The following CSMD1 variants were observed in gnomAD, a reference collection of about 807,000 sequenced individuals.
The protein encoded by CSMD1 is CUB and sushi domain-containing protein 1.
CSMD1 carries 213 observed loss-of-function variants against 417.5 expected under a neutral mutation model. The observed-to-expected ratio is 0.51, with a 90% CI of 0.46 to 0.57. The LOEUF is 0.57. Ranked by LOEUF, CSMD1 falls within the 20% of genes least tolerant of loss-of-function variation. The pLI is 0.00. For missense variants in CSMD1, 6,923 were observed against 4,529.7 expected (o/e 1.53, Z -15.17); for synonymous variants, 2,862 against 1,736.8 (o/e 1.65, Z -16.11).
At chr8:4,209,878 T>C (rs758327856) in intron 3 of CSMD1, among the ~76,000 whole-genome samples, 8 of 152,154 alleles carry the variant, frequency 5.3e-5, no homozygotes, top group Non-Finnish European at 1.2e-4. Flanking sequence ...AGAATGTAGG[T>C]GGTAACTTCT....
At chr8:4,372,793 A>G (rs542192269) in intron 3 of CSMD1, among the ~76,000 whole-genome samples, 75 of 152,266 alleles carry the variant, frequency 4.9e-4, no homozygotes, top group African/African-American at 1.7e-3. Context: ...CAATAAATAT[A>G]CTTGAGTGCA....
chr8:4,366,800 T>A (rs918571247), intron 3 of CSMD1, among the ~76,000 whole-genome samples: 9 of 152,316 alleles, frequency 5.9e-5, no homozygotes, highest in African/African-American at 2.2e-4. Context: ...GCTGCTGTGC[T>A]GCACCCATTA....
intron 1 of CSMD1, among the ~76,000 whole-genome samples, chr8:4,795,963 A>G (rs1797960120): frequency 6.6e-6 from 1 of 152,164 alleles, no homozygotes. Flanking sequence ...ATATTATGTT[A>G]TTTCTTTTAA....
intron 5 of CSMD1, among the ~76,000 whole-genome samples, chr8:3,792,260 G>A (rs1032942137): frequency 6.6e-6 from 1 of 151,432 alleles, no homozygotes; most frequent in Admixed American, 6.6e-5. Context: ...GCCACTACAT[G>A]CCAGCCTGGG....
At chr8:4,049,888 G>C (rs774565545) in intron 3 of CSMD1, among the ~76,000 whole-genome samples, 3 of 140,154 alleles carry the variant, frequency 2.1e-5, no homozygotes, top group Non-Finnish European at 3.0e-5. Flanking sequence ...TAGCTTTTAA[G>C]TAACGTTCGC....
intron 3 of CSMD1, among the ~76,000 whole-genome samples, chr8:4,061,566 C>G (rs1048882350): frequency 6.6e-6 from 1 of 152,136 alleles, no homozygotes; most frequent in Non-Finnish European, 1.5e-5. Flanking sequence ...AACCCTCATG[C>G]TCTTGACTAT....
intron 4 of CSMD1, among the ~76,000 whole-genome samples, chr8:4,027,178 G>A (rs1324273355): frequency 5.3e-5 from 8 of 152,132 alleles, no homozygotes; most frequent in African/African-American, 1.7e-4. Context: ...TTACGACGAG[G>A]TAAGAAGCAT....
chr8:4,340,691 G>T (rs1011657601), intron 3 of CSMD1, among the ~76,000 whole-genome samples: 1 of 151,996 alleles, frequency 6.6e-6, no homozygotes, highest in Non-Finnish European at 1.5e-5. Flanking sequence ...GAGTTTATTA[G>T]AAGTACATTT....
chr8:3,336,185 C>T (rs536470652), intron 23 of CSMD1, among the ~76,000 whole-genome samples: 1 of 152,208 alleles, frequency 6.6e-6, no homozygotes, highest in African/African-American at 2.4e-5. Context: ...GTGGGGTTTT[C>T]ATCAGTATTA....
chr8:4,791,107 G>C (rs1189916180), intron 1 of CSMD1, among the ~76,000 whole-genome samples: 1 of 152,086 alleles, frequency 6.6e-6, no homozygotes, highest in African/African-American at 2.4e-5. Context: ...AGAAGAGACG[G>C]GGAGAAGAGA....
At chr8:4,034,763 T>A (rs375810821) in intron 3 of CSMD1, among the ~76,000 whole-genome samples, 1 of 152,328 alleles carries the variant, frequency 6.6e-6, no homozygotes, top group African/African-American at 2.4e-5. Flanking sequence ...CAACATGTCT[T>A]CTTAGGGTCA....
intron 1 of CSMD1, among the ~76,000 whole-genome samples, chr8:4,840,965 T>C (rs1013210830): frequency 2.0e-5 from 3 of 152,222 alleles, no homozygotes; most frequent in African/African-American, 7.2e-5. Flanking sequence ...ACAAGTGCAC[T>C]GGGCTAGTCC....
intron 9 of CSMD1, among the ~76,000 whole-genome samples, chr8:3,576,357 T>C (rs1800151422): frequency 7.9e-6 from 1 of 126,450 alleles, no homozygotes; most frequent in East Asian, 2.4e-4. Flanking sequence ...ACTGTGACTG[T>C]TCATCTGAGA....
At position 4,923,786 on chromosome 8, in the gene CSMD1, T is replaced by C. The variant is rs191904059; in HGVS notation, c.85+70546A>G. Among the ~76,000 whole-genome samples, 156 of 152,234 alleles carry C rather than the reference T, an allele frequency of 1.0e-3. 1 individual carries two copies. Among genetic ancestry groups the C allele is most frequent in the African/African-American group, 3.6e-3 (148 of 41,540 alleles). On this transcript the variant is annotated intron_variant, in intron 1 of 69. Coordinates refer to ENST00000635120, the MANE Select transcript of CSMD1 (RefSeq NM_033225.6). ...TATTATATATCTCCAAGATTCAGTG[T>C]CCCAATGGTAGAAATATAATAATTC... is the stretch of plus-strand genomic sequence containing the variant.
intron 6 of CSMD1, among the ~76,000 whole-genome samples, chr8:3,751,556 G>A (rs187953728): frequency 3.3e-5 from 5 of 149,752 alleles, no homozygotes; most frequent in East Asian, 1.9e-4. Flanking sequence ...TGTGTATAAC[G>A]TACGTACAGT....
At chr8:3,002,526 C>T (rs1168689531) in intron 52 of CSMD1, among the ~76,000 whole-genome samples, 1 of 152,172 alleles carries the variant, frequency 6.6e-6, no homozygotes, top group Non-Finnish European at 1.5e-5. Context: ...TGGAACCACT[C>T]CAAGAGGAGG....
rs141726364 is a variant in CSMD1, at chr8:3,267,990, C to T, written c.4153+16154G>A. The stretch of plus-strand genomic sequence containing the variant: ...GATTCCATGAAGACAGGGTCATTGC[C>T]CTGTGTGGGCTCAGTTGCCTCTGTC... On this transcript the variant is annotated intron_variant, in intron 26 of 69. Transcript: ENST00000635120. Among the ~76,000 whole-genome samples the T allele has an allele frequency of 4.2e-3, 635 of 152,208 alleles. 3 individuals carry two copies. The highest frequency in any genetic ancestry group is 7.1e-3 in the Non-Finnish European group (486 of 68,018).
intron 6 of CSMD1, among the ~76,000 whole-genome samples, chr8:3,734,646 G>C (rs185438471): frequency 6.6e-6 from 1 of 152,182 alleles, no homozygotes; most frequent in Admixed American, 6.5e-5. Context: ...GGGAGGCGGA[G>C]GTCGCAGTGA....
intron 20 of CSMD1, among the ~76,000 whole-genome samples, chr8:3,363,492 T>C (rs1809333877): frequency 6.6e-6 from 1 of 151,912 alleles, no homozygotes. Flanking sequence ...GAGTTTTGCC[T>C]GGTGAAAAAT....
Sources: gnomAD v4.1 joint callset for allele counts (sites outside exome capture counted in the v4.1 genomes callset) on GRCh38, gnomAD v4.1.1 for gene constraint, MANE v1.5 for transcripts, NCBI Gene and HGNC (gene_info 2026-07-23, HGNC 2026-07-21) for gene names.